Variants in CHN2 observed in about 807,000 individuals in gnomAD.
The protein encoded by CHN2 is chimerin 2, also known as beta-chimaerin.
In CHN2, 35 loss-of-function variants were observed where a neutral mutation model predicts 56.3. That is an observed-to-expected ratio of 0.62 (90% CI 0.47 to 0.82). CHN2 has a LOEUF of 0.82. Among genes scored for constraint, CHN2 ranks in the 40% least tolerant of loss-of-function variants. CHN2 has a pLI of 0.00. For synonymous variants in CHN2, 210 were observed against 212.8 expected (o/e 0.99, Z 0.12); for missense variants, 491 against 580.5 (o/e 0.85, Z 1.58).
At chr7:29,177,692 A>T (rs1480249042) in intron 2 of CHN2, among the ~76,000 whole-genome samples, 2 of 150,776 alleles carry the variant, frequency 1.3e-5, no homozygotes, top group Admixed American at 6.6e-5. Flanking sequence ...CCATCCATCC[A>T]TCTGTGCAGT....
chr7:29,507,618 C>T (rs552506434), intron 11 of CHN2, among the ~76,000 whole-genome samples: 5 of 152,202 alleles, frequency 3.3e-5, no homozygotes, highest in Non-Finnish European at 7.4e-5. Context: ...GGAACCAACA[C>T]AGTCAGGCCT....
intron 1 of CHN2, among the ~76,000 whole-genome samples, chr7:29,218,819 G>C: frequency 8.3e-6 from 1 of 120,656 alleles, no homozygotes. Flanking sequence ...GGGGGGAGAG[G>C]AGAGGGATAG....
At chr7:29,195,878 A>T (rs1783666636) in intron 1 of CHN2, among the ~76,000 whole-genome samples, 1 of 152,162 alleles carries the variant, frequency 6.6e-6, no homozygotes, top group Admixed American at 6.5e-5. Flanking sequence ...TGAGTATGAC[A>T]GGTTTCTAAT....
chr7:29,286,198 C>G (rs1455004223), intron 1 of CHN2, among the ~76,000 whole-genome samples: 7 of 132,244 alleles, frequency 5.3e-5, no homozygotes, highest in Non-Finnish European at 1.2e-4. Flanking sequence ...CCCCATGATT[C>G]CATTCTCTCT....
At chr7:29,410,202 A>T (rs1230148672) in intron 6 of CHN2, among the ~76,000 whole-genome samples, 1 of 152,204 alleles carries the variant, frequency 6.6e-6, no homozygotes, top group Non-Finnish European at 1.5e-5. Flanking sequence ...ATAATGTTTA[A>T]AACAGGGTAG....
At chr7:29,235,245 A>G (rs1787100736) in intron 1 of CHN2, among the ~76,000 whole-genome samples, 2 of 152,240 alleles carry the variant, frequency 1.3e-5, no homozygotes, top group African/African-American at 2.4e-5. Flanking sequence ...ACACTTCTCA[A>G]AAGAAGACAT....
intron 6 of CHN2, among the ~76,000 whole-genome samples, chr7:29,413,360 G>C (rs188248496): frequency 6.6e-6 from 1 of 152,224 alleles, no homozygotes; most frequent in Non-Finnish European, 1.5e-5. Flanking sequence ...ACACAGAACT[G>C]TGGGCTATGC....
intron 1 of CHN2, among the ~76,000 whole-genome samples, chr7:29,335,413 T>C (rs971004535): frequency 5.9e-5 from 9 of 152,224 alleles, no homozygotes; most frequent in African/African-American, 2.2e-4. Context: ...CTTCCTGCCA[T>C]AGAGGGCATG....
intron 6 of CHN2, among the ~76,000 whole-genome samples, chr7:29,409,770 A>T (rs1803020700): frequency 6.6e-6 from 1 of 152,256 alleles, no homozygotes; most frequent in Non-Finnish European, 1.5e-5. Flanking sequence ...TGGACTCTCT[A>T]AAGGGATCTT....
At chr7:29,427,252 G>T (rs1417247367) in intron 6 of CHN2, among the ~76,000 whole-genome samples, 1 of 152,160 alleles carries the variant, frequency 6.6e-6, no homozygotes, top group Non-Finnish European at 1.5e-5. Context: ...GGAGGCAGAG[G>T]TTGCAGTGAA....
intron 12 of CHN2, chr7:29,509,609 C>G (rs1472913165): frequency 2.3e-6 from 1 of 426,298 alleles, no homozygotes; most frequent in Non-Finnish European, 4.4e-6. Flanking sequence ...CTTTGGGAGG[C>G]CGAGGTGGGC....
At chr7:29,184,956 C>G (rs1373439422) in intron 2 of CHN2, among the ~76,000 whole-genome samples, 1 of 152,196 alleles carries the variant, frequency 6.6e-6, no homozygotes, top group Non-Finnish European at 1.5e-5. Context: ...ATACTTTCGC[C>G]TCTCTGTTGC....
chr7:29,328,447 A>G (rs1160790797), intron 1 of CHN2, among the ~76,000 whole-genome samples: 2 of 152,174 alleles, frequency 1.3e-5, no homozygotes, highest in South Asian at 2.1e-4. Flanking sequence ...CTGAATTTAT[A>G]TAGAGAATGC....
chr7:29,513,973 A>G lies in CHN2; in HGVS notation c.*1238A>G, dbSNP rs990968587. Reference sequence around the variant, plus strand: ...TAAATCTAGATTTTTAAAAAATCCAACTGCAATGTCTTTTCCTTTGATTGA... The same window carrying G: ...TAAATCTAGATTTTTAAAAAATCCAGCTGCAATGTCTTTTCCTTTGATTGA... On this transcript the variant is annotated 3_prime_UTR_variant, in exon 13 of 13. Coordinates refer to ENST00000222792, the MANE Select transcript of CHN2 (RefSeq NM_004067.4). The G allele has an allele frequency of 2.0e-5, 3 of 152,664 alleles. No homozygotes were observed. The highest frequency in any genetic ancestry group is 7.2e-5 in the African/African-American group (3 of 41,462). 9.5% of individuals were successfully genotyped at this position (152,664 alleles called of 1,614,324 possible). A position where few individuals can be genotyped will look rare whatever the true frequency, so the allele number is the denominator to read the frequency against.
intron 9 of CHN2, among the ~76,000 whole-genome samples, chr7:29,500,878 T>A (rs1180728123): frequency 6.6e-6 from 1 of 152,218 alleles, no homozygotes; most frequent in Admixed American, 6.5e-5. Context: ...CAAAAAATGT[T>A]CTTTATGTTG....
intron 1 of CHN2, among the ~76,000 whole-genome samples, chr7:29,258,666 T>G (rs1789273198): frequency 6.6e-6 from 1 of 152,230 alleles, no homozygotes; most frequent in African/African-American, 2.4e-5. Context: ...AGCTTCTGAT[T>G]ATTCCTTCTA....
intron 5 of CHN2, among the ~76,000 whole-genome samples, chr7:29,399,809 C>T (rs1230109871): frequency 6.6e-6 from 1 of 152,186 alleles, no homozygotes; most frequent in Non-Finnish European, 1.5e-5. Context: ...GCTATTATAT[C>T]ATGCGCTCTA....
intron 6 of CHN2, among the ~76,000 whole-genome samples, chr7:29,461,020 G>A (rs1421874924): frequency 6.6e-6 from 1 of 152,198 alleles, no homozygotes; most frequent in Non-Finnish European, 1.5e-5. Context: ...ACTTTGTGCT[G>A]TGTAGCATAA....
At chr7:29,203,137 ACCTT>A (rs1488131266) in intron 1 of CHN2, among the ~76,000 whole-genome samples, 6 of 152,298 alleles carry the variant, frequency 3.9e-5, no homozygotes, top group African/African-American at 1.4e-4. Flanking sequence ...CTGACTCATA[ACCTT>A]TGAAATATTG....
Sources: gnomAD v4.1 joint callset for allele counts (sites outside exome capture counted in the v4.1 genomes callset) on GRCh38, gnomAD v4.1.1 for gene constraint, MANE v1.5 for transcripts, NCBI Gene and HGNC (gene_info 2026-07-23, HGNC 2026-07-21) for gene names.